The following SLC2A14 variants were observed in gnomAD, a reference collection of about 807,000 sequenced individuals.
SLC2A14 encodes the protein solute carrier family 2 member 14.
Under a neutral mutation model 43.0 loss-of-function variants are expected in SLC2A14, and 13 were observed. That is an observed-to-expected ratio of 0.30 (90% CI 0.20 to 0.48). SLC2A14 has a LOEUF of 0.48. Among genes scored for constraint, SLC2A14 ranks in the 20% least tolerant of loss-of-function variants. The pLI, the probability that SLC2A14 is intolerant of heterozygous loss-of-function variation, is 0.99. For missense variants in SLC2A14, 428 were observed against 620.4 expected, an observed-to-expected ratio of 0.69 and a Z score of 3.29; for synonymous variants, 190 against 233.8, an observed-to-expected ratio of 0.81 and a Z score of 1.71.
chr12:7,823,401 A>C (rs1864091083), intron 7 of SLC2A14, among the ~76,000 whole-genome samples: 2 of 151,738 alleles, frequency 1.3e-5, no homozygotes, highest in African/African-American at 4.8e-5. Flanking sequence ...AAAAGAAAAA[A>C]AAAGTAAGGT....
chr12:7,865,224 A>G (rs1383302982), intron 2 of SLC2A14, among the ~76,000 whole-genome samples: 1 of 152,094 alleles, frequency 6.6e-6, no homozygotes, highest in African/African-American at 2.4e-5. Context: ...ATACCTATAT[A>G]AGACAATGAA....
Position 7,838,520 on chromosome 12 carries a change from A to C in SLC2A14, c.19-5706T>G, listed in dbSNP as rs533702127. Reference sequence around the variant, plus strand: ...AATGTCTAGCCTATGCCTGTCCCACAATTATATTATGAAAGCACATAACTT... The same window carrying C: ...AATGTCTAGCCTATGCCTGTCCCACCATTATATTATGAAAGCACATAACTT... On this transcript the variant is annotated intron_variant, in intron 2 of 10. Transcript: ENST00000431042. Among the ~76,000 whole-genome samples the C allele has an allele frequency of 1.8e-4, 27 of 152,226 alleles. No homozygotes were observed. The South Asian group carries it at 2.9e-3, about 16-fold the overall frequency.
intron 2 of SLC2A14, among the ~76,000 whole-genome samples, chr12:7,850,399 T>C (rs747505491): frequency 3.7e-4 from 56 of 152,154 alleles, no homozygotes; most frequent in African/African-American, 1.3e-3. Context: ...ATTTATTTAT[T>C]ATTATTATTT....
At chr12:7,890,974 T>C in intron 1 of SLC2A14, 1 of 1,525,786 alleles carries the variant, frequency 6.6e-7, no homozygotes, top group Non-Finnish European at 8.8e-7. Flanking sequence ...CCTTGAAGCA[T>C]GATCTATCTA....
chr12:7,853,898 G>A (rs1867139232), intron 2 of SLC2A14, among the ~76,000 whole-genome samples: 1 of 152,152 alleles, frequency 6.6e-6, no homozygotes, highest in African/African-American at 2.4e-5. Flanking sequence ...GTACTTTTCA[G>A]GAACCCTGAA....
upstream of SLC2A14, among the ~76,000 whole-genome samples, chr12:7,876,996 AT>A (rs200535580): frequency 0.042 from 6,019 of 143,758 alleles, 185 homozygotes; most frequent in Non-Finnish European, 0.067. Flanking sequence ...AAGCTGAATA[AT>A]TTTTTTTCTT....
chr12:7,822,056 C>T (rs1351032302), intron 7 of SLC2A14, among the ~76,000 whole-genome samples: 1 of 151,696 alleles, frequency 6.6e-6, no homozygotes, highest in Non-Finnish European at 1.5e-5. Flanking sequence ...GATCTCCTGA[C>T]CTCATGATCC....
At chr12:7,875,739 G>A (rs1347146518), upstream of SLC2A14, among the ~76,000 whole-genome samples, 1 of 151,982 alleles carries the variant, frequency 6.6e-6, no homozygotes, top group African/African-American at 2.4e-5. Context: ...TTGAAAGGCC[G>A]AAGCAGGTGG....
upstream of SLC2A14, among the ~76,000 whole-genome samples, chr12:7,875,024 TAA>T (rs1231925471): frequency 9.0e-6 from 1 of 111,106 alleles, no homozygotes; most frequent in Non-Finnish European, 1.7e-5. Flanking sequence ...AAATTATATA[TAA>T]ATACATATAT....
rs141124569 is a variant in SLC2A14 at position 7,817,876 on chromosome 12, G to A, written c.1230C>T (p.Asn410=). The change falls in exon 10 of 11, where the codon AAC becomes AAT. Residue 410 remains asparagine, a synonymous_variant. Transcript: ENST00000431042. ...PAAMAVAGCS[N]WTSNFLVGLL... ...ATCCGACTAGGAAGTTGGAGGTCCA[G>A]TTGGAGCAGCCGGCCACTGCCATCG... 1.4e-3 allele frequency: 2,258 copies of A among 1,614,130 alleles called. 4 individuals carry two copies. Among genetic ancestry groups the A allele is most frequent in the Non-Finnish European group, 1.8e-3 (2,156 of 1,179,990 alleles).
At chr12:7,830,157 C>CT (rs71038781) in intron 4 of SLC2A14, 151 bp from the exon 5 acceptor site, 328 of 790,238 alleles carry the variant, frequency 4.2e-4, no homozygotes, top group African/African-American at 9.1e-4. Context: ...TCTTTTCTTT[C>CT]TTTTTTTTTT....
rs1268065831 is a variant in SLC2A14, at chr12:7,827,042, C to CCTTTCTCTCTCTCTCTTT, written c.864+435_864+452dup. Among the ~76,000 whole-genome samples the CCTTTCTCTCTCTCTCTTT allele has an allele frequency of 3.4e-3, 461 of 136,520 alleles. 8 individuals carry two copies. The highest frequency in any genetic ancestry group is 0.012 in the African/African-American group (446 of 36,132). 89.6% of individuals were successfully genotyped at this position (136,520 alleles called of 152,430 possible). On this transcript the variant is annotated intron_variant, in intron 7 of 10. Transcript: ENST00000431042. Reference sequence around the variant, plus strand: ...TTCTCTCCTTTCTCTCTCTTTCTCTCCTTTCTCTCTCTCTCTTTCTTTCTC... The same window carrying CCTTTCTCTCTCTCTCTTT: ...TTCTCTCCTTTCTCTCTCTTTCTCTCCTTTCTCTCTCTCTCTTTCTTTCTCTCTCTCTCTTTCTTTCTC...
At chr12:7,829,296 C>T (rs972922553) in intron 5 of SLC2A14, among the ~76,000 whole-genome samples, 1 of 151,994 alleles carries the variant, frequency 6.6e-6, no homozygotes, top group Non-Finnish European at 1.5e-5. Context: ...CACAGTGGCT[C>T]ACACCTATAA....
At chr12:7,851,390 G>A (rs970025942) in intron 2 of SLC2A14, among the ~76,000 whole-genome samples, 2 of 152,096 alleles carry the variant, frequency 1.3e-5, no homozygotes, top group Admixed American at 6.6e-5. Flanking sequence ...TACAAATCAG[G>A]TGTTCACTTA....
At chr12:7,881,561 C>A (rs1331952702) in intron 1 of SLC2A14, among the ~76,000 whole-genome samples, 1 of 152,142 alleles carries the variant, frequency 6.6e-6, no homozygotes, top group Non-Finnish European at 1.5e-5. Context: ...GCCTGAGCCT[C>A]CCCGCTCCAC....
rs764650542 is a variant in SLC2A14 at position 7,822,911 on chromosome 12, T to A, written c.865-1586A>T. On this transcript the variant is annotated intron_variant, in intron 7 of 10. Coordinates refer to ENST00000431042, the MANE Select transcript of SLC2A14 (RefSeq NM_001286234.2). ...CTGATAGGCACATTGATGTCTCAAT[T>A]TGATAGTGAACTAATTGAATAACCT... is the stretch of plus-strand genomic sequence containing the variant. Among the ~76,000 whole-genome samples, 72 of 152,318 alleles carry A rather than the reference T, an allele frequency of 4.7e-4. 1 individual carries two copies. The South Asian group carries it at 0.015, about 31-fold the overall frequency.
At chr12:7,888,104 C>G (rs1222593975) in intron 1 of SLC2A14, among the ~76,000 whole-genome samples, 1 of 152,084 alleles carries the variant, frequency 6.6e-6, no homozygotes, top group Non-Finnish European at 1.5e-5. Context: ...TCTGGTTCTT[C>G]CTCCAGAAAT....
intron 2 of SLC2A14, among the ~76,000 whole-genome samples, chr12:7,852,244 T>C (rs1866992771): frequency 1.3e-5 from 2 of 152,160 alleles, no homozygotes; most frequent in Non-Finnish European, 2.9e-5. Flanking sequence ...GAAAGTATAA[T>C]TTTTCTTTAA....
intron 2 of SLC2A14, among the ~76,000 whole-genome samples, chr12:7,848,980 A>G (rs1045041692): frequency 6.6e-6 from 1 of 151,334 alleles, no homozygotes; most frequent in Non-Finnish European, 1.5e-5. Context: ...TCAGCCTCCA[A>G]GTAGCTGGCA....
Sources: allele counts gnomAD v4.1 joint callset (sites outside exome capture counted in the v4.1 genomes callset), GRCh38; gene constraint gnomAD v4.1.1; transcripts MANE v1.5; gene names NCBI Gene and HGNC (gene_info 2026-07-23, HGNC 2026-07-21).